Variants in BRWD1 observed in about 807,000 individuals in gnomAD.
BRWD1 encodes the protein bromodomain and WD repeat-containing protein 1.
BRWD1 carries 82 observed loss-of-function variants against 251.2 expected under a neutral mutation model. The ratio of observed to expected loss-of-function variants is 0.33; its 90% confidence interval spans 0.27 to 0.39. The LOEUF (loss-of-function observed/expected upper bound fraction) is 0.39. Among genes scored for constraint, BRWD1 ranks in the 10% least tolerant of loss-of-function variants. The probability of loss-of-function intolerance (pLI) is 1.00; values close to 1 mark genes in which losing one functional copy is unlikely to be tolerated. For synonymous variants in BRWD1, 918 were observed against 902.8 expected (o/e 1.02, Z -0.30); for missense variants, 2,233 against 2,711.6 (o/e 0.82, Z 3.92).
intron 21 of BRWD1, 53 bp from the exon 22 acceptor site, chr21:39,238,626 T>G: frequency 7.9e-7 from 1 of 1,257,946 alleles, no homozygotes; most frequent in Non-Finnish European, 1.2e-6. Context: ...AAACAACACA[T>G]GTCCAGAAAA....
chr21:39,236,549 T>C, intron 23 of BRWD1, 46 bp downstream of exon 23: 1 of 1,423,992 alleles, frequency 7.0e-7, no homozygotes. Flanking sequence ...GGGGTAAAGC[T>C]GGGGTATCAT....
chr21:39,304,141 C>CAAAAAAAAAAAAAAAAA (rs56990201), intron 4 of BRWD1, among the ~76,000 whole-genome samples: 1 of 118,386 alleles, frequency 8.4e-6, no homozygotes, highest in Non-Finnish European at 1.7e-5. Flanking sequence ...AACTCTTTCT[C>CAAAAAAAAAAAAAAAAA]AAAAAAAAAA....
intron 4 of BRWD1, among the ~76,000 whole-genome samples, chr21:39,298,972 T>C (rs1039974381): frequency 6.6e-6 from 1 of 152,128 alleles, no homozygotes; most frequent in Non-Finnish European, 1.5e-5. Flanking sequence ...ACCTGTAATC[T>C]CAGCACTTTG....
At position 39,274,612 on chromosome 21, in the gene BRWD1, G is replaced by A. The variant is rs529481354; in HGVS notation, c.1146-140C>T. 5.2e-5 allele frequency: 37 copies of A among 715,308 alleles called. No individual in the cohort carries two copies. In the South Asian group the frequency reaches 5.4e-4, roughly 10 times the overall value. 44.3% of individuals were successfully genotyped at this position (715,308 alleles called of 1,614,324 possible). ...CCACAGGTGTTAATTCAAAAGACAA[G>A]GTATTTAGAGCGTATCTGGATGGGA... On this transcript the variant is annotated intron_variant, in intron 12 of 40. Transcript: ENST00000342449.
chr21:39,220,396 GA>G (rs1324779544), intron 29 of BRWD1, among the ~76,000 whole-genome samples: 1 of 152,222 alleles, frequency 6.6e-6, no homozygotes, highest in African/African-American at 2.4e-5. Flanking sequence ...CCTTGCCTTA[GA>G]AGTCAAAAGT....
intron 13 of BRWD1, among the ~76,000 whole-genome samples, chr21:39,272,008 CAAAAAAAAAA>C (rs376900840): frequency 1.7e-5 from 2 of 115,192 alleles, no homozygotes; most frequent in African/African-American, 7.1e-5. Flanking sequence ...CACTCCATTT[CAAAAAAAAAA>C]AAAAAAAGAA....
intron 21 of BRWD1, among the ~76,000 whole-genome samples, chr21:39,243,566 T>C (rs1451069294): frequency 1.3e-5 from 2 of 152,108 alleles, no homozygotes; most frequent in Admixed American, 6.6e-5. Context: ...CTGCCTCAGA[T>C]TCCAGAGAAG....
chr21:39,292,243 G>A (rs962685132), intron 8 of BRWD1, among the ~76,000 whole-genome samples: 3 of 151,458 alleles, frequency 2.0e-5, no homozygotes, highest in Non-Finnish European at 4.4e-5. Context: ...ATGAGCCATC[G>A]CTAGGCACAA....
Position 39,198,764 on chromosome 21 carries a change from T to G in BRWD1, c.5652A>C (p.Lys1884Asn). ...DKIEKPNNFM[K>N]DSASQDNGLS... ...ACAAAGATAAATGTTTTGAATTACC[T>G]TTCATAAAATTGTTTGGTTTTTCTA... Residue 1884 changes from lysine (K) to asparagine (N), a missense_variant and splice_region_variant, in exon 40 of 41, where the codon AAA becomes AAC. Lys to Asn is a moderately conservative substitution (Grantham distance 94). Around this residue, in one of 12 missense-constraint regions of BRWD1, gnomAD observed 928 missense variants for 970.0 expected, o/e 0.96. Coordinates refer to ENST00000342449, the MANE Select transcript of BRWD1 (RefSeq NM_033656.4). 1 of 1,576,002 alleles carries G rather than the reference T, an allele frequency of 6.3e-7. No homozygotes were observed. The highest frequency in any genetic ancestry group is 1.4e-5 in the African/African-American group (1 of 73,340).
chr21:39,194,556 C>CAG lies in BRWD1; in HGVS notation c.*1702_*1703insCT, dbSNP rs2031713155. 2.1e-6 allele frequency: 3 copies of CAG among 1,447,884 alleles called. No individual in the cohort carries two copies. The African/African-American group carries it at 4.3e-5, about 21-fold the overall frequency. 89.7% of individuals were successfully genotyped at this position (1,447,884 alleles called of 1,614,324 possible). On this transcript the variant is annotated 3_prime_UTR_variant, in exon 41 of 41. Transcript: ENST00000342449. ...AAGCCACAAATGAGAGGAGGTTTCCCACCTATCTCAGTTGATAATGTCCAA... is the reference window on the plus strand; with the variant it reads ...AAGCCACAAATGAGAGGAGGTTTCCCAGACCTATCTCAGTTGATAATGTCCAA...
chr21:39,225,464 T>C lies in BRWD1; in HGVS notation c.3209-267A>G, dbSNP rs536347715. ...GATCTGTGTTTAACATTCATTACAATAGAAACATGAACTGCTGCAGTAACC... is the reference window on the plus strand; with the variant it reads ...GATCTGTGTTTAACATTCATTACAACAGAAACATGAACTGCTGCAGTAACC... On this transcript the variant is annotated intron_variant, in intron 27 of 40. Transcript: ENST00000342449. Among the ~76,000 whole-genome samples the C allele has an allele frequency of 1.3e-3, 197 of 152,280 alleles. 1 individual carries two copies. Among genetic ancestry groups the C allele is most frequent in the African/African-American group, 4.6e-3 (190 of 41,564 alleles).
At chr21:39,185,018 A>G (rs1252912530), downstream of BRWD1, 1 of 152,204 alleles carries the variant, frequency 6.6e-6, no homozygotes, top group Non-Finnish European at 1.5e-5. Context: ...AAATAGGGTA[A>G]TAGTAATACA....
At chr21:39,217,468 C>T (rs997995167) in intron 31 of BRWD1, 1 of 201,680 alleles carries the variant, frequency 5.0e-6, no homozygotes, top group Non-Finnish European at 1.0e-5. Flanking sequence ...TTCAACAGAA[C>T]GAAGCCCTGG....
In BRWD1 at chr21:39,193,391, C is replaced by T. The variant is rs1243802910; in HGVS notation, c.*2868G>A. The T allele has an allele frequency of 1.0e-6, 1 of 984,530 alleles. No homozygotes were observed. Among genetic ancestry groups the T allele is most frequent in the Non-Finnish European group, 1.2e-6 (1 of 829,304 alleles). The allele number at this position is 984,530 out of a possible 1,614,324, so 61.0% of individuals were successfully genotyped here. A position where few individuals can be genotyped will look rare whatever the true frequency, so the allele number is the denominator to read the frequency against. On this transcript the variant is annotated 3_prime_UTR_variant, in exon 41 of 41. Coordinates refer to ENST00000342449, the MANE Select transcript of BRWD1 (RefSeq NM_033656.4). ...TTCCTTTTATTCATAAGTTACTTCACATTGTAAGTATACCTTTTTAAATAA... is the reference window on the plus strand; with the variant it reads ...TTCCTTTTATTCATAAGTTACTTCATATTGTAAGTATACCTTTTTAAATAA...
intron 17 of BRWD1, among the ~76,000 whole-genome samples, chr21:39,260,474 T>G (rs190628989): frequency 2.6e-5 from 4 of 152,274 alleles, no homozygotes; most frequent in African/African-American, 9.6e-5. Flanking sequence ...CACTTAACTG[T>G]TAATTTCTCA....
At chr21:39,216,784 A>C in intron 31 of BRWD1, 2 of 315,270 alleles carry the variant, frequency 6.3e-6, no homozygotes, top group South Asian at 6.9e-5. Flanking sequence ...TTACAGAAAT[A>C]TATTTTTTTT....
chr21:39,235,481 A>G (rs1054793166), intron 23 of BRWD1: 1 of 160,048 alleles, frequency 6.2e-6, no homozygotes, highest in Non-Finnish European at 1.4e-5. Context: ...GCATTGCTCA[A>G]AAGTTACTCC....
Position 39,264,540 on chromosome 21 carries a change from G to A in BRWD1, c.1805C>T (p.Thr602Ile). 2 of 1,613,308 alleles carry A rather than the reference G, an allele frequency of 1.2e-6. No individual in the cohort carries two copies. Among genetic ancestry groups the A allele is most frequent in the Non-Finnish European group, 1.7e-6 (2 of 1,179,774 alleles). The change falls in exon 17 of 41, where the codon ACC becomes ATC. Residue 602 changes from threonine (T) to isoleucine (I), a missense_variant. Transcript: ENST00000342449. ...GCCTGGTACTAATCTCTGATACTTGGTTGGATGAGGATTTCCATCTACATC... is the reference window on the plus strand; with the variant it reads ...GCCTGGTACTAATCTCTGATACTTGATTGGATGAGGATTTCCATCTACATC... ...LVDVDGNPHP[T>I]KYQRLVPGRE... is the part of the protein sequence containing the mutation.
intron 4 of BRWD1, among the ~76,000 whole-genome samples, chr21:39,304,733 G>A (rs2036231118): frequency 6.6e-6 from 1 of 152,130 alleles, no homozygotes; most frequent in Non-Finnish European, 1.5e-5. Flanking sequence ...AAAGGAAAAG[G>A]ACAGAAAAAG....
Sources: gnomAD v4.1 joint callset for allele counts (sites outside exome capture counted in the v4.1 genomes callset) on GRCh38, gnomAD v4.1.1 for gene constraint, gnomAD v4.1.1 regional missense constraint, MANE v1.5 for transcripts, NCBI Gene and HGNC (gene_info 2026-07-23, HGNC 2026-07-21) for gene names.